Variants in SPHKAP observed in about 807,000 individuals in gnomAD.
SPHKAP encodes SPHK1 interactor, AKAP domain containing.
Under a neutral mutation model 137.5 loss-of-function variants are expected in SPHKAP, and 67 were observed. The observed-to-expected ratio is 0.49, with a 90% CI of 0.40 to 0.60. The LOEUF (loss-of-function observed/expected upper bound fraction) is 0.60, where lower values mean the gene tolerates loss of function less well. SPHKAP is among the 20% of genes least tolerant of loss of function. The pLI, the probability that SPHKAP is intolerant of heterozygous loss-of-function variation, is 0.00. For missense variants in SPHKAP, 2,097 were observed against 2,069.3 expected (o/e 1.01, Z -0.26); for synonymous variants, 813 against 785.3 (o/e 1.04, Z -0.59).
At chr2:228,158,328 T>TTC (rs1223022808) in intron 1 of SPHKAP, among the ~76,000 whole-genome samples, 20 of 145,084 alleles carry the variant, frequency 1.4e-4, no homozygotes, top group African/African-American at 4.9e-4. Context: ...ACTTCTTTCT[T>TTC]TTTTTTTTTT....
rs1417909675 is a variant in SPHKAP at position 227,995,555 on chromosome 2, G to T, written c.4588C>A (p.Pro1530Thr). The T allele has an allele frequency of 1.2e-6, 2 of 1,613,918 alleles. No homozygotes were observed. Among genetic ancestry groups the T allele is most frequent in the African/African-American group, 1.3e-5 (1 of 74,888 alleles). Residue 1530 changes from proline (P) to threonine (T), a missense_variant, in exon 8 of 12, where the codon CCA becomes ACA. Coordinates refer to ENST00000392056, the MANE Select transcript of SPHKAP (RefSeq NM_001142644.2). Reference sequence around the variant, plus strand: ...TGGAGAAAGCTACTTGTGTCATCTGGGTTGTCTTCCTCATTGGCAAGCTGG... The same window carrying T: ...TGGAGAAAGCTACTTGTGTCATCTGTGTTGTCTTCCTCATTGGCAAGCTGG... ...WTQLANEEDN[P>T]DDTSSFLQLS...
intron 1 of SPHKAP, among the ~76,000 whole-genome samples, chr2:228,174,013 C>A (rs898044061): frequency 6.6e-6 from 1 of 152,136 alleles, no homozygotes; most frequent in African/African-American, 2.4e-5. Context: ...ACCTCTTCTA[C>A]CTTAAGGAGA....
intron 1 of SPHKAP, among the ~76,000 whole-genome samples, chr2:228,151,394 A>G (rs907927036): frequency 6.6e-6 from 1 of 151,836 alleles, no homozygotes; most frequent in African/African-American, 2.4e-5. Context: ...CAATAAACAT[A>G]CGTGTGCATG....
chr2:227,985,333 C>G (rs1693174139), intron 11 of SPHKAP, among the ~76,000 whole-genome samples: 1 of 151,994 alleles, frequency 6.6e-6, no homozygotes, highest in Admixed American at 6.6e-5. Flanking sequence ...GGCTGATGAG[C>G]AAGAAGAACT....
At chr2:227,990,404 T>C (rs1693371098) in intron 11 of SPHKAP, among the ~76,000 whole-genome samples, 1 of 152,226 alleles carries the variant, frequency 6.6e-6, no homozygotes. Context: ...GGAGACAGAT[T>C]CATGCCTTAC....
chr2:228,051,515 C>T (rs1696254445), intron 3 of SPHKAP, among the ~76,000 whole-genome samples: 1 of 152,090 alleles, frequency 6.6e-6, no homozygotes. Flanking sequence ...GGCTAGACCA[C>T]TGGTTCAAGT....
intron 1 of SPHKAP, chr2:228,169,643 A>G (rs978258182): frequency 6.6e-6 from 1 of 152,098 alleles, no homozygotes; most frequent in Non-Finnish European, 1.5e-5. Context: ...GAAGAAAATT[A>G]ATGTTGTTTT....
chr2:228,110,475 TACTGCAG>T (rs1698484516), intron 2 of SPHKAP, among the ~76,000 whole-genome samples: 1 of 152,218 alleles, frequency 6.6e-6, no homozygotes, highest in Non-Finnish European at 1.5e-5. Flanking sequence ...CTTGGATTAT[TACTGCAG>T]ACTGACGTTG....
At chr2:227,987,259 A>C (rs1693247418) in intron 11 of SPHKAP, among the ~76,000 whole-genome samples, 1 of 152,224 alleles carries the variant, frequency 6.6e-6, no homozygotes, top group Non-Finnish European at 1.5e-5. Context: ...TCATGCCCAC[A>C]TGGCTCATGG....
At chr2:228,069,934 C>T (rs10933233) in intron 3 of SPHKAP, among the ~76,000 whole-genome samples, 49,813 of 151,922 alleles carry the variant, frequency 0.33, 8,516 homozygotes, top group Non-Finnish European at 0.4. Context: ...TTGTGCTGCC[C>T]CCACCTCACT....
intron 3 of SPHKAP, among the ~76,000 whole-genome samples, chr2:228,056,689 A>G (rs2106280926): frequency 6.6e-6 from 1 of 152,322 alleles, no homozygotes; most frequent in Admixed American, 6.5e-5. Context: ...CAGTCAATAA[A>G]AGCTTGTTTA....
chr2:228,098,762 A>T (rs75636686), intron 3 of SPHKAP, among the ~76,000 whole-genome samples: 246 of 116,790 alleles, frequency 2.1e-3, no homozygotes, highest in African/African-American at 7.5e-3. Context: ...TAAAGTATAA[A>T]AAAAAAAAAA....
rs117995858 is a variant in SPHKAP, at chr2:228,168,578, G to A, written c.32+12989C>T. Among the ~76,000 whole-genome samples, 12 of 152,222 alleles carry A rather than the reference G, an allele frequency of 7.9e-5. No individual in the cohort carries two copies. The East Asian group carries it at 2.3e-3, about 29-fold the overall frequency. On this transcript the variant is annotated intron_variant, in intron 1 of 11. Coordinates refer to ENST00000392056, the MANE Select transcript of SPHKAP (RefSeq NM_001142644.2). ...GCTATACAAGAAGGCAAACTTAATCGACAAATGGTTGTCTGATTGTTGTTC... is the reference window on the plus strand; with the variant it reads ...GCTATACAAGAAGGCAAACTTAATCAACAAATGGTTGTCTGATTGTTGTTC...
rs1394538789 is a variant in SPHKAP, at chr2:228,017,003, C to T, written c.3851G>A (p.Gly1284Asp). The change falls in exon 7 of 12, where the codon GGT (glycine) becomes GAT (aspartate). Residue 1284 changes from glycine to aspartate, a missense_variant. Physicochemically the swap from Gly to Asp is moderately conservative, Grantham distance 94. Coordinates refer to ENST00000392056, the MANE Select transcript of SPHKAP (RefSeq NM_001142644.2). ...CAAGCAAGAGTCAGATTTGCAGAGA[C>T]CGGATGAGGACGCGCTACTGACCGG... ...VQPVSSASSS[G>D]LCKSDSCLYR... 1.2e-6 allele frequency: 2 copies of T among 1,614,122 alleles called. No homozygotes were observed. The highest frequency in any genetic ancestry group is 1.6e-4 in the Middle Eastern group (1 of 6,062).
chr2:228,159,799 C>G (rs2106411503), intron 1 of SPHKAP, among the ~76,000 whole-genome samples: 1 of 152,308 alleles, frequency 6.6e-6, no homozygotes, highest in East Asian at 1.9e-4. Flanking sequence ...TCTACTTTCT[C>G]ACCACAGAGA....
At chr2:228,007,147 T>C (rs1421693656) in intron 7 of SPHKAP, among the ~76,000 whole-genome samples, 1 of 152,232 alleles carries the variant, frequency 6.6e-6, no homozygotes, top group Non-Finnish European at 1.5e-5. Context: ...TATTCAGCCA[T>C]CTTGGAACTG....
chr2:228,151,516 C>G (rs539665551), intron 1 of SPHKAP, among the ~76,000 whole-genome samples: 116 of 152,272 alleles, frequency 7.6e-4, no homozygotes, highest in African/African-American at 2.8e-3. Context: ...GCACTGACTT[C>G]CACAATGGTT....
intron 2 of SPHKAP, among the ~76,000 whole-genome samples, chr2:228,111,247 A>T (rs1317588732): frequency 6.6e-6 from 1 of 152,178 alleles, no homozygotes. Flanking sequence ...TAACTTGGTC[A>T]TTAGTAGCAG....
At chr2:228,162,360 T>C (rs973964460) in intron 1 of SPHKAP, among the ~76,000 whole-genome samples, 1 of 152,218 alleles carries the variant, frequency 6.6e-6, no homozygotes, top group Non-Finnish European at 1.5e-5. Context: ...ATAAGTAATA[T>C]CTTGTGGAAA....
Sources: gnomAD v4.1 joint callset for allele counts (sites outside exome capture counted in the v4.1 genomes callset) on GRCh38, gnomAD v4.1.1 for gene constraint, MANE v1.5 for transcripts, NCBI Gene and HGNC (gene_info 2026-07-23, HGNC 2026-07-21) for gene names.